CPNE4: variants seen among roughly 807,000 people sequenced by gnomAD.
CPNE4 encodes copine 4, also known as copine-4.
In CPNE4, 25 loss-of-function variants were observed where a neutral mutation model predicts 67.9. The observed-to-expected ratio is 0.37, with a 90% confidence interval of 0.27 to 0.51. CPNE4 has a LOEUF of 0.51. CPNE4 is among the 20% of genes least tolerant of loss of function. The pLI, the probability that CPNE4 is intolerant of heterozygous loss-of-function variation, is 0.93. For missense variants in CPNE4, 464 were observed against 690.8 expected, an observed-to-expected ratio of 0.67 and a Z score of 3.68; for synonymous variants, 242 against 244.9, an observed-to-expected ratio of 0.99 and a Z score of 0.11.
At chr3:132,013,741 C>A (rs746583921) in intron 1 of CPNE4, among the ~76,000 whole-genome samples, 1 of 152,198 alleles carries the variant, frequency 6.6e-6, no homozygotes, top group African/African-American at 2.4e-5. Context: ...AATAACCTCA[C>A]AACAACCTAT....
intron 10 of CPNE4, among the ~76,000 whole-genome samples, chr3:131,573,201 G>T (rs1018518553): frequency 7.9e-5 from 12 of 152,040 alleles, no homozygotes; most frequent in Non-Finnish European, 1.8e-4. Context: ...ATTGTTGGCT[G>T]CCCCCTTCTC....
At chr3:131,619,300 T>C (rs1041446911) in intron 7 of CPNE4, among the ~76,000 whole-genome samples, 13 of 152,190 alleles carry the variant, frequency 8.5e-5, no homozygotes, top group Admixed American at 2.6e-4. Context: ...AATTACACGA[T>C]GAAGCTGACA....
chr3:131,862,605 G>A (rs983053403), intron 2 of CPNE4, among the ~76,000 whole-genome samples: 9 of 151,856 alleles, frequency 5.9e-5, no homozygotes, highest in African/African-American at 2.2e-4. Flanking sequence ...ATAATGCCAT[G>A]TACTATCTGG....
chr3:131,717,846 C>CTCGCTCCCTTTCT (rs1467402339), intron 3 of CPNE4, among the ~76,000 whole-genome samples: 1,253 of 40,062 alleles, frequency 0.031, 80 homozygotes, highest in African/African-American at 0.12. Context: ...TCCTTCCTTC[C>CTCGCTCCCTTTCT]TTCCTCGCTC....
intron 3 of CPNE4, among the ~76,000 whole-genome samples, chr3:131,712,048 C>G (rs1029805448): frequency 2.0e-5 from 3 of 152,178 alleles, no homozygotes; most frequent in Non-Finnish European, 2.9e-5. Context: ...ATGCCTCCCC[C>G]AAAAGGATTT....
chr3:131,637,601 A>T (rs1055862962), intron 7 of CPNE4, among the ~76,000 whole-genome samples: 2 of 152,232 alleles, frequency 1.3e-5, no homozygotes, highest in East Asian at 3.8e-4. Context: ...GAAATCTAAA[A>T]GTTTGGAAAA....
chr3:131,665,167 C>T (rs1336557051), intron 7 of CPNE4, among the ~76,000 whole-genome samples: 1 of 152,054 alleles, frequency 6.6e-6, no homozygotes, highest in Non-Finnish European at 1.5e-5. Context: ...TCGAGACCAG[C>T]CTGGGCAACA....
At chr3:131,972,082 G>A (rs1053711581) in intron 1 of CPNE4, among the ~76,000 whole-genome samples, 1 of 151,714 alleles carries the variant, frequency 6.6e-6, no homozygotes, top group African/African-American at 2.4e-5. Context: ...TCAGGATTAG[G>A]ATTATAAAAC....
intron 1 of CPNE4, among the ~76,000 whole-genome samples, chr3:131,949,832 T>C (rs2071668067): frequency 6.6e-6 from 1 of 152,172 alleles, no homozygotes; most frequent in African/African-American, 2.4e-5. Flanking sequence ...TTTTACATAG[T>C]TATTTTCTTT....
At chr3:131,886,063 A>T (rs6789443) in intron 2 of CPNE4, among the ~76,000 whole-genome samples, 47 of 152,052 alleles carry the variant, frequency 3.1e-4, no homozygotes, top group African/African-American at 1.1e-3. Context: ...TGTCTCCAGG[A>T]CATGTCAGAG....
At chr3:131,607,329 T>C (rs1442749405) in intron 7 of CPNE4, among the ~76,000 whole-genome samples, 1 of 151,936 alleles carries the variant, frequency 6.6e-6, no homozygotes, top group African/African-American at 2.4e-5. Context: ...TAATTGAACT[T>C]TTCTTCTCAT....
chr3:131,781,471 A>G (rs1290615554), intron 2 of CPNE4, among the ~76,000 whole-genome samples: 1 of 151,900 alleles, frequency 6.6e-6, no homozygotes, highest in African/African-American at 2.4e-5. Flanking sequence ...TAATAAATGA[A>G]CAATAAATAT....
chr3:131,929,079 C>A (rs553998306), intron 1 of CPNE4, among the ~76,000 whole-genome samples: 9 of 151,932 alleles, frequency 5.9e-5, no homozygotes, highest in African/African-American at 1.9e-4. Flanking sequence ...AGAGAAATGT[C>A]CCTGCTTCTG....
chr3:131,694,890 C>T (rs1307537681), intron 5 of CPNE4, among the ~76,000 whole-genome samples: 2 of 152,200 alleles, frequency 1.3e-5, no homozygotes, highest in African/African-American at 2.4e-5. Flanking sequence ...CTGACCCTCA[C>T]AATCATTAGC....
intron 7 of CPNE4, among the ~76,000 whole-genome samples, chr3:131,616,093 C>T (rs1417235975): frequency 2.0e-5 from 3 of 152,190 alleles, no homozygotes; most frequent in Middle Eastern, 3.4e-3. Context: ...TTAAGGACAA[C>T]CAAGCTGTAC....
chr3:131,872,550 C>T (rs972655249), intron 2 of CPNE4, among the ~76,000 whole-genome samples: 6 of 152,226 alleles, frequency 3.9e-5, no homozygotes, highest in Admixed American at 2.0e-4. Flanking sequence ...GGGCAGTCTG[C>T]TTTACTCAGT....
intron 2 of CPNE4, among the ~76,000 whole-genome samples, chr3:131,777,306 G>A (rs948131296): frequency 2.0e-5 from 3 of 151,450 alleles, no homozygotes; most frequent in Non-Finnish European, 4.4e-5. Context: ...AATGCAGACA[G>A]AAAGGGATGT....
At chr3:131,702,996 A>T (rs564946848) in intron 3 of CPNE4, among the ~76,000 whole-genome samples, 2 of 152,292 alleles carry the variant, frequency 1.3e-5, no homozygotes, top group South Asian at 4.1e-4. Context: ...TGAATTTTTC[A>T]TTGTAATAAT....
chr3:131,838,916 G>A lies in CPNE4; in HGVS notation c.180+66348C>T, dbSNP rs2085664894. On this transcript the variant is annotated intron_variant, in intron 2 of 15. Transcript: ENST00000429747. Reference sequence around the variant, plus strand: ...AAAATATAAAATTTCTGAGTTATAAGTTTTCTTAGACCAAATAAAATATAT... The same window carrying A: ...AAAATATAAAATTTCTGAGTTATAAATTTTCTTAGACCAAATAAAATATAT... Among the ~76,000 whole-genome samples, 4 of 151,632 alleles carry A rather than the reference G, an allele frequency of 2.6e-5. No homozygotes were observed. The South Asian group carries it at 8.3e-4, about 31-fold the overall frequency.
Sources: gnomAD v4.1 joint callset for allele counts (sites outside exome capture counted in the v4.1 genomes callset) on GRCh38, gnomAD v4.1.1 for gene constraint, MANE v1.5 for transcripts, NCBI Gene and HGNC (gene_info 2026-07-23, HGNC 2026-07-21) for gene names.